Variants in KLC1 observed in about 807,000 individuals in gnomAD.
KLC1 encodes the protein kinesin light chain 1, also known as kinesin 2 60/70kDa.
Under a neutral mutation model 84.2 loss-of-function variants are expected in KLC1, and 30 were observed. That is an observed-to-expected ratio of 0.36 (90% CI 0.27 to 0.48). KLC1 has a LOEUF of 0.48. Among genes scored for constraint, KLC1 ranks in the 20% least tolerant of loss-of-function variants. The pLI, the probability that KLC1 is intolerant of heterozygous loss-of-function variation, is 0.99. For missense variants in KLC1, 499 were observed against 805.4 expected, an observed-to-expected ratio of 0.62 and a Z score of 4.60; for synonymous variants, 289 against 293.3, an observed-to-expected ratio of 0.99 and a Z score of 0.15.
chr14:103,699,149 C>G (rs1201690963), intron 15 of KLC1: 1 of 1,571,004 alleles, frequency 6.4e-7, no homozygotes, highest in Non-Finnish European at 8.6e-7. Context: ...GGCCCGTGTG[C>G]TGCGCCCTGC....
rs560678063 is a variant in KLC1 at position 103,664,815 on chromosome 14, A to T, written c.797+1888A>T. ...CAGGCGTGAACCACTGCACTTGGCC[A>T]AGGCTTTTTTTTTTTTTTTTTTTTT... On this transcript the variant is annotated intron_variant, in intron 5 of 16. Coordinates refer to ENST00000334553, the MANE Select transcript of KLC1 (RefSeq NM_001394837.1). Among the ~76,000 whole-genome samples the T allele has an allele frequency of 2.2e-5, 3 of 137,930 alleles. 1 individual carries two copies. Among genetic ancestry groups the T allele is most frequent in the African/African-American group, 8.2e-5 (3 of 36,700 alleles). The allele number at this position is 137,930 out of a possible 152,430, so 90.5% of individuals were successfully genotyped here.
At chr14:103,686,278 A>G in intron 13 of KLC1, 1 of 947,418 alleles carries the variant, frequency 1.1e-6, no homozygotes, top group Non-Finnish European at 1.3e-6. Context: ...TTTATCCATG[A>G]AACGCCGCAT....
At chr14:103,646,809 G>C (rs1165627936) in intron 1 of KLC1, among the ~76,000 whole-genome samples, 1 of 151,898 alleles carries the variant, frequency 6.6e-6, no homozygotes, top group Admixed American at 6.6e-5. Context: ...ATGGGGTCTT[G>C]CTGTCTTGCC....
chr14:103,631,685 C>T (rs1420191969), intron 1 of KLC1, among the ~76,000 whole-genome samples: 2 of 152,134 alleles, frequency 1.3e-5, no homozygotes, highest in Non-Finnish European at 2.9e-5. Flanking sequence ...GCAACCTCCG[C>T]CTCCCAGGTT....
intron 9 of KLC1, among the ~76,000 whole-genome samples, chr14:103,675,048 G>T (rs1036847591): frequency 3.3e-5 from 5 of 152,324 alleles, no homozygotes; most frequent in East Asian, 3.9e-4. Context: ...AAGAAAACAG[G>T]CTGGGCGCGG....
intron 7 of KLC1, among the ~76,000 whole-genome samples, chr14:103,672,779 A>G (rs1263355062): frequency 6.6e-6 from 1 of 152,246 alleles, no homozygotes; most frequent in Non-Finnish European, 1.5e-5. Flanking sequence ...TACTACAGTA[A>G]TTAACACAGC....
chr14:103,666,280 G>A (rs577513461), intron 5 of KLC1, among the ~76,000 whole-genome samples: 30 of 152,060 alleles, frequency 2.0e-4, no homozygotes, highest in African/African-American at 7.2e-4. Flanking sequence ...AGCCAGGATG[G>A]TCTTGATCTC....
chr14:103,639,584 A>G (rs1478674019), intron 1 of KLC1, among the ~76,000 whole-genome samples: 4 of 152,064 alleles, frequency 2.6e-5, no homozygotes, highest in Admixed American at 1.3e-4. Context: ...CTGGGACCAC[A>G]GGCGTGTGCC....
rs769567860 is a variant in KLC1 at position 103,693,070 on chromosome 14, G to A, written c.1848+645G>A. ...TAGAACCTGTTTCTCAGGTGCCTGG[G>A]GCCCACCCGGCAGCTCGAGCTGTTG... On this transcript the variant is annotated intron_variant, in intron 15 of 16. Transcript: ENST00000334553. This position sits in a 1 kb window ranked among gnomAD's most constrained non-coding sequence, Gnocchi z 5.1. Among the ~76,000 whole-genome samples, 2 of 152,216 alleles carry A rather than the reference G, an allele frequency of 1.3e-5. No individual in the cohort carries two copies. The highest frequency in any genetic ancestry group is 2.9e-5 in the Non-Finnish European group (2 of 68,034).
At chr14:103,686,288 T>A in intron 13 of KLC1, 2 of 910,192 alleles carry the variant, frequency 2.2e-6, no homozygotes, top group Non-Finnish European at 2.6e-6. Flanking sequence ...AAACGCCGCA[T>A]GGCACAGCTG....
At position 103,693,578 on chromosome 14, in the gene KLC1, C is replaced by T. The variant is rs202005102; in HGVS notation, c.1848+1153C>T. The T allele has an allele frequency of 2.0e-5, 31 of 1,536,004 alleles. No homozygotes were observed. In the East Asian group the frequency reaches 4.2e-4, roughly 21 times the overall value. ...GAACGAAATAATTGTCTGGCCGACT[C>T]GCGAGCTCTGAGTGCCAGCCACACT... On this transcript the variant is annotated intron_variant, in intron 15 of 16. Transcript: ENST00000334553. This position sits in a 1 kb window ranked among gnomAD's most constrained non-coding sequence, Gnocchi z 5.1.
intron 14 of KLC1, chr14:103,687,885 G>GGTCA (rs2081878431): frequency 6.6e-6 from 1 of 152,140 alleles, no homozygotes; most frequent in Non-Finnish European, 1.5e-5. Context: ...CAGTGTCCAG[G>GGTCA]GTCACCTCTG....
chr14:103,635,153 C>T (rs1029001097), intron 1 of KLC1, among the ~76,000 whole-genome samples: 1 of 152,172 alleles, frequency 6.6e-6, no homozygotes, highest in Non-Finnish European at 1.5e-5. Context: ...AGCTGAGTTA[C>T]GTGCATACGT....
chr14:103,646,144 CAG>C (rs1328250179), intron 1 of KLC1, among the ~76,000 whole-genome samples: 2 of 152,158 alleles, frequency 1.3e-5, no homozygotes, highest in Non-Finnish European at 2.9e-5. Context: ...CTGTATTGTA[CAG>C]AATTTGTCTA....
Position 103,654,586 on chromosome 14 carries a change from A to G in KLC1, c.22A>G (p.Met8Val), listed in dbSNP as rs760016665. 31 of 1,613,370 alleles carry G rather than the reference A, an allele frequency of 1.9e-5. No individual in the cohort carries two copies. Among genetic ancestry groups the G allele is most frequent in the Non-Finnish European group, 2.5e-5 (29 of 1,179,736 alleles). Residue 8 changes from methionine (M) to valine (V), a missense_variant, in exon 2 of 17, where the codon ATG (methionine) becomes GTG (valine). By Grantham distance (21) the Met-to-Val change is conservative (BLOSUM62 1). This residue lies in a region of KLC1 where 179 missense variants were observed against 264.2 expected (regional missense o/e 0.68). Transcript: ENST00000334553. MYDNMST[M>V]VYIKEDKLEK... ...CAGAATGTATGACAACATGTCCACA[A>G]TGGTGTACATAAAGGAAGACAAGTT...
At position 103,662,003 on chromosome 14, in the gene KLC1, C is replaced by G. The variant is rs948919078; in HGVS notation, c.493-113C>G. On this transcript the variant is annotated intron_variant, in intron 3 of 16. Transcript: ENST00000334553. ...GCGATCCTACATTTGATGTTAAAAA[C>G]TGATCATCTTTTCTAAGATTCTTAG... is the stretch of plus-strand genomic sequence containing the variant. 6.7e-6 allele frequency: 5 copies of G among 746,346 alleles called. No individual in the cohort carries two copies. The African/African-American group carries it at 8.8e-5, about 13-fold the overall frequency. 46.2% of individuals were successfully genotyped at this position (746,346 alleles called of 1,614,324 possible). A position where few individuals can be genotyped will look rare whatever the true frequency, so the allele number is the denominator to read the frequency against.
intron 5 of KLC1, among the ~76,000 whole-genome samples, chr14:103,664,674 C>G (rs1350580292): frequency 2.6e-5 from 4 of 151,922 alleles, no homozygotes; most frequent in African/African-American, 7.3e-5. Flanking sequence ...ACCACTACAC[C>G]CAGCTAAATT....
intron 15 of KLC1, chr14:103,696,112 CCCA>C: frequency 1.1e-6 from 1 of 934,074 alleles, no homozygotes; most frequent in African/African-American, 1.9e-5. Flanking sequence ...CCCGCCCCCC[CCCA>C]CAGCAGCCGT....
chr14:103,671,165 AAAT>A (rs1245268155), intron 7 of KLC1, among the ~76,000 whole-genome samples: 7 of 152,156 alleles, frequency 4.6e-5, no homozygotes, highest in Admixed American at 3.3e-4. Context: ...CTGAAAAATG[AAAT>A]AATTATTATT....
Sources: gnomAD v4.1 joint callset for allele counts (sites outside exome capture counted in the v4.1 genomes callset) on GRCh38, gnomAD v4.1.1 for gene constraint, gnomAD v4.1.1 regional missense constraint, Gnocchi (gnomAD v3.1) non-coding constraint, MANE v1.5 for transcripts, NCBI Gene and HGNC (gene_info 2026-07-23, HGNC 2026-07-21) for gene names.